Variants in CEP164 observed in about 807,000 individuals in gnomAD.
CEP164 encodes the protein centrosomal protein of 164 kDa.
A neutral mutation model predicts 182.7 loss-of-function variants in CEP164; 162 were observed. The ratio of observed to expected loss-of-function variants is 0.89; its 90% CI spans 0.78 to 1.01. CEP164 has a LOEUF of 1.01. CEP164 is among the 50% of genes least tolerant of loss of function. The pLI is 0.00. For missense variants in CEP164, 1,735 were observed against 1,790.4 expected (o/e 0.97, Z 0.56); for synonymous variants, 661 against 690.0 (o/e 0.96, Z 0.66).
In CEP164 at chr11:117,344,221, G is replaced by T; in HGVS notation, c.138G>T (p.Leu46=). The T allele has an allele frequency of 1.2e-6, 2 of 1,613,678 alleles. No individual in the cohort carries two copies. Among genetic ancestry groups the T allele is most frequent in the Non-Finnish European group, 1.7e-6 (2 of 1,179,858 alleles). The change falls in exon 4 of 33, where the codon CTG becomes CTT. Residue 46 remains leucine, a synonymous_variant. Coordinates refer to ENST00000278935, the MANE Select transcript of CEP164 (RefSeq NM_014956.5). The part of the protein sequence containing the change: ...IGIDPIKEPE[L]MWLAREGIVA... ...TTGATCCCATCAAGGAACCAGAACTGATGTGGCTGGCGCGAGAGGGCATCG... is the reference window on the plus strand; with the variant it reads ...TTGATCCCATCAAGGAACCAGAACTTATGTGGCTGGCGCGAGAGGGCATCG...
chr11:117,409,604 C>T lies in CEP164; in HGVS notation c.3749-14C>T. 1 of 1,596,238 alleles carries T rather than the reference C, an allele frequency of 6.3e-7. No homozygotes were observed. The highest frequency in any genetic ancestry group is 1.1e-5 in the South Asian group (1 of 88,904). On this transcript the variant is annotated splice_polypyrimidine_tract_variant and intron_variant, in intron 29 of 32. Transcript: ENST00000278935. The surrounding 1 kb of genome is among the most constrained non-coding windows in gnomAD (Gnocchi z 4.4). Reference sequence around the variant, plus strand: ...GCTTGAGTCCCTTCCCACCATCCACCTCTTTTCTTTCAGTCGACTCAACCC... The same window carrying T: ...GCTTGAGTCCCTTCCCACCATCCACTTCTTTTCTTTCAGTCGACTCAACCC...
intron 12 of CEP164, 61 bp from the exon 13 acceptor site, chr11:117,381,639 AG>A: frequency 6.5e-7 from 1 of 1,541,486 alleles, no homozygotes; most frequent in Non-Finnish European, 8.8e-7. Context: ...TGTACTCCCC[AG>A]TTCTCTTCCC....
At chr11:117,398,815 T>A (rs2045818579) in intron 27 of CEP164, among the ~76,000 whole-genome samples, 2 of 152,090 alleles carry the variant, frequency 1.3e-5, no homozygotes, top group African/African-American at 4.8e-5. Context: ...CGAAACCATT[T>A]TTTCCTCCTA....
At chr11:117,398,656 A>G (rs550018207) in intron 27 of CEP164, among the ~76,000 whole-genome samples, 10 of 152,178 alleles carry the variant, frequency 6.6e-5, no homozygotes, top group Non-Finnish European at 1.2e-4. Context: ...TCAACACCAC[A>G]TGGAAGTTGC....
intron 8 of CEP164, among the ~76,000 whole-genome samples, chr11:117,370,215 C>T (rs1005710776): frequency 5.3e-5 from 8 of 151,742 alleles, no homozygotes; most frequent in African/African-American, 9.7e-5. Context: ...GGACCCAAGT[C>T]GGCAGTGCTC....
chr11:117,388,734 T>C, intron 15 of CEP164, among the ~76,000 whole-genome samples: 1 of 151,812 alleles, frequency 6.6e-6, no homozygotes, highest in Middle Eastern at 3.2e-3. Context: ...CTGGGGAATC[T>C]AGAAGGAAGG....
Position 117,394,516 on chromosome 11 carries a change from A to G in CEP164, c.2760+23A>G. ...CAGGTGAGGGGCCTGGGGCAGGGTG[A>G]GCCCACTGTGACCCCTCCATGCACA... On this transcript the variant is annotated intron_variant, in intron 21 of 32. Transcript: ENST00000278935. This position sits in a 1 kb window ranked among gnomAD's most constrained non-coding sequence, Gnocchi z 4.0. 6.2e-7 allele frequency: 1 copy of G among 1,611,882 alleles called. No individual in the cohort carries two copies. Among genetic ancestry groups the G allele is most frequent in the Non-Finnish European group, 8.5e-7 (1 of 1,179,540 alleles).
chr11:117,324,460 T>C (rs1475103471), upstream of CEP164, among the ~76,000 whole-genome samples: 1 of 151,004 alleles, frequency 6.6e-6, no homozygotes, highest in African/African-American at 2.5e-5. Flanking sequence ...AAAAAAAATT[T>C]GTGTGTCATT....
intron 12 of CEP164, among the ~76,000 whole-genome samples, 168 bp from the exon 13 acceptor site, chr11:117,381,533 T>C (rs1409355044): frequency 4.6e-5 from 7 of 152,122 alleles, no homozygotes; most frequent in African/African-American, 9.7e-5. Context: ...TTCCCACATG[T>C]GTGGCTGCCT....
upstream of CEP164, among the ~76,000 whole-genome samples, chr11:117,326,461 G>T (rs933021304): frequency 2.0e-5 from 3 of 152,000 alleles, no homozygotes; most frequent in African/African-American, 7.2e-5. Context: ...TCGAACTCCT[G>T]ACCTTAGGTG....
chr11:117,355,016 C>A (rs1274296759), intron 5 of CEP164: 3 of 1,289,618 alleles, frequency 2.3e-6, no homozygotes, highest in African/African-American at 1.5e-5. Context: ...GCTTGCTGAT[C>A]TGGACCTAGA....
chr11:117,334,592 C>T lies in CEP164; in HGVS notation c.-97-1013C>T, dbSNP rs1350787282. Among the ~76,000 whole-genome samples the T allele has an allele frequency of 1.3e-5, 2 of 152,040 alleles. 1 individual carries two copies. Among genetic ancestry groups the T allele is most frequent in the African/African-American group, 4.8e-5 (2 of 41,420 alleles). On this transcript the variant is annotated intron_variant, in intron 1 of 32. Transcript: ENST00000278935. The stretch of plus-strand genomic sequence containing the variant: ...CCTGAGATCAGGAGTTTGAGACCAG[C>T]CTGGCCAATGTGGTGAAATCTAATC...
In CEP164 at chr11:117,395,321, C is replaced by T. The variant is rs763027823; in HGVS notation, c.2913+130C>T. The T allele has an allele frequency of 5.9e-5, 71 of 1,206,578 alleles. No individual in the cohort carries two copies. In the Middle Eastern group the frequency reaches 1.7e-3, roughly 28 times the overall value. The allele number at this position is 1,206,578 out of a possible 1,614,324, so 74.7% of individuals were successfully genotyped here. The stretch of plus-strand genomic sequence containing the variant: ...GTTCCAAACTCTGTTGGCCAGTATT[C>T]CACAAATAGTGCCACTCTGTGGACC... On this transcript the variant is annotated intron_variant, in intron 23 of 32. Coordinates refer to ENST00000278935, the MANE Select transcript of CEP164 (RefSeq NM_014956.5).
At chr11:117,334,401 C>T (rs560648270) in intron 1 of CEP164, among the ~76,000 whole-genome samples, 3 of 152,316 alleles carry the variant, frequency 2.0e-5, no homozygotes, top group African/African-American at 4.8e-5. Context: ...ATACAACCCA[C>T]CCATATTTTA....
chr11:117,384,785 G>A (rs1248153276), intron 14 of CEP164: 1 of 152,258 alleles, frequency 6.6e-6, no homozygotes, highest in African/African-American at 2.4e-5. Context: ...GGAATGGATG[G>A]GTTGTCTAGG....
At chr11:117,329,782 C>A (rs543589272) in intron 1 of CEP164, among the ~76,000 whole-genome samples, 3 of 151,460 alleles carry the variant, frequency 2.0e-5, no homozygotes, top group Non-Finnish European at 4.4e-5. Flanking sequence ...CCTCATTATC[C>A]GCCCACCTCC....
chr11:117,340,236 G>A (rs984778465), intron 3 of CEP164, among the ~76,000 whole-genome samples: 5 of 152,106 alleles, frequency 3.3e-5, no homozygotes, highest in Non-Finnish European at 7.4e-5. Context: ...CCATGTTGGC[G>A]AGGCTGGTCT....
chr11:117,357,423 C>CTTT (rs4018866), intron 5 of CEP164, among the ~76,000 whole-genome samples: 18 of 121,510 alleles, frequency 1.5e-4, no homozygotes, highest in Non-Finnish European at 2.8e-4. Context: ...AGTTAATATT[C>CTTT]TTTTTTTTTT....
chr11:117,410,920 G>A lies in CEP164; in HGVS notation c.4163+26G>A, dbSNP rs762345152. ...GTGAGCCTCCCTGGGGGCTGGTTGG[G>A]GTGGAACGTCATAGTCGAGCTGCTC... On this transcript the variant is annotated intron_variant, in intron 31 of 32. Coordinates refer to ENST00000278935, the MANE Select transcript of CEP164 (RefSeq NM_014956.5). 3 of 1,606,274 alleles carry A rather than the reference G, an allele frequency of 1.9e-6. No homozygotes were observed. The South Asian group carries it at 3.3e-5, about 18-fold the overall frequency.
Sources: allele counts gnomAD v4.1 joint callset (sites outside exome capture counted in the v4.1 genomes callset), GRCh38; gene constraint gnomAD v4.1.1; non-coding constraint Gnocchi (gnomAD v3.1); transcripts MANE v1.5; gene names NCBI Gene and HGNC (gene_info 2026-07-23, HGNC 2026-07-21).